Variants in DNTTIP1 observed in about 807,000 individuals in gnomAD.
The protein encoded by DNTTIP1 is deoxynucleotidyltransferase terminal interacting protein 1.
DNTTIP1 carries 22 observed loss-of-function variants against 52.9 expected under a neutral mutation model. The observed-to-expected ratio is 0.42, with a 90% CI of 0.30 to 0.59. The LOEUF is 0.59. Ranked by LOEUF, DNTTIP1 falls within the 20% of genes least tolerant of loss-of-function variation. The pLI, the probability that DNTTIP1 is intolerant of heterozygous loss-of-function variation, is 0.22. For missense variants in DNTTIP1, 286 were observed against 435.5 expected (o/e 0.66, Z 3.06); for synonymous variants, 136 against 155.1 (o/e 0.88, Z 0.92).
In DNTTIP1 at chr20:45,809,056, C is replaced by T; in HGVS notation, c.724-58C>T. 7.4e-6 allele frequency: 11 copies of T among 1,484,668 alleles called. No homozygotes were observed. Among genetic ancestry groups the T allele is most frequent in the Non-Finnish European group, 1.0e-5 (11 of 1,063,508 alleles). The allele number at this position is 1,484,668 out of a possible 1,614,324, so 92.0% of individuals were successfully genotyped here. On this transcript the variant is annotated intron_variant, in intron 10 of 12. Coordinates refer to ENST00000372622, the MANE Select transcript of DNTTIP1 (RefSeq NM_052951.3). The surrounding 1 kb of genome is among the most constrained non-coding windows in gnomAD (Gnocchi z 4.2). ...CAAGGGCCAAGAGTATGCTCTGGGA[C>T]CAAATGAGAAAAGCCCCTTACCCGA...
chr20:45,795,286 C>G, intron 3 of DNTTIP1, 59 bp from the exon 4 acceptor site: 1 of 962,970 alleles, frequency 1.0e-6, no homozygotes, highest in Non-Finnish European at 1.6e-6. Flanking sequence ...TATTCAGTTT[C>G]CTTCAGGTTG....
At chr20:45,793,028 T>A (rs1242148430) in intron 2 of DNTTIP1, among the ~76,000 whole-genome samples, 1 of 152,218 alleles carries the variant, frequency 6.6e-6, no homozygotes, top group Non-Finnish European at 1.5e-5. Context: ...TTGAGGGCTC[T>A]AAAGAGGTCA....
At chr20:45,801,324 G>T (rs1272839588) in intron 5 of DNTTIP1, 78 bp from the exon 6 acceptor site, 1 of 1,535,314 alleles carries the variant, frequency 6.5e-7, no homozygotes, top group South Asian at 1.1e-5. Flanking sequence ...TGTAGTCCAG[G>T]GCTGTCTTCT....
At chr20:45,800,679 T>TAA (rs144859982) in intron 4 of DNTTIP1, among the ~76,000 whole-genome samples, 200 of 14,668 alleles carry the variant, frequency 0.014, 12 homozygotes, top group South Asian at 0.029. Flanking sequence ...CATCTCAATT[T>TAA]AAAAAAAAAA....
At chr20:45,801,381 C>G (rs1981463768) in intron 5 of DNTTIP1, 21 bp from the exon 6 acceptor site, 1 of 1,614,046 alleles carries the variant, frequency 6.2e-7, no homozygotes, top group African/African-American at 1.3e-5. Flanking sequence ...CTTCCACTGA[C>G]TCCCTTCCCT....
chr20:45,792,624 C>T (rs933588059), intron 1 of DNTTIP1, 53 bp from the exon 2 acceptor site: 8 of 1,443,564 alleles, frequency 5.5e-6, no homozygotes, highest in Non-Finnish European at 7.5e-6. Context: ...TCCACCTCCA[C>T]CCCACCCCAG....
chr20:45,793,425 C>T lies in DNTTIP1; in HGVS notation c.177-496C>T, dbSNP rs577299525. On this transcript the variant is annotated intron_variant, in intron 2 of 12. Transcript: ENST00000372622. ...TAAAAATAACAAAAAATTGGCCGGGCGCGGTGGCTCACGCCTGTAATCCCA... is the reference window on the plus strand; with the variant it reads ...TAAAAATAACAAAAAATTGGCCGGGTGCGGTGGCTCACGCCTGTAATCCCA... 2.0e-5 allele frequency among the ~76,000 whole-genome samples: 3 copies of T among 152,102 alleles called. 1 individual carries two copies. The highest frequency in any genetic ancestry group is 7.2e-5 in the African/African-American group (3 of 41,480).
intron 4 of DNTTIP1, among the ~76,000 whole-genome samples, 161 bp from the exon 5 acceptor site, chr20:45,800,913 G>C (rs1456261629): frequency 6.7e-6 from 1 of 149,964 alleles, no homozygotes; most frequent in African/African-American, 2.5e-5. Flanking sequence ...AGAATCACTT[G>C]AACCCAGGAG....
Position 45,801,118 on chromosome 20 carries a change from G to A in DNTTIP1, c.417G>A (p.Leu139=), listed in dbSNP as rs1981453147. 9.9e-6 allele frequency: 16 copies of A among 1,613,886 alleles called. No individual in the cohort carries two copies. The highest frequency in any genetic ancestry group is 1.3e-5 in the Non-Finnish European group (15 of 1,179,992). Reference sequence around the variant, plus strand: ...ATGGAGAAAAAGTAATACCCAGATTGACCCATGAGCTTCCAGGAATAAAGG... The same window carrying A: ...ATGGAGAAAAAGTAATACCCAGATTAACCCATGAGCTTCCAGGAATAAAGG... ...FSDGEKVIPR[L]THELPGIKRG... The change falls in exon 5 of 13, where the codon TTG becomes TTA. Residue 139 remains leucine (L), a synonymous_variant. Coordinates refer to ENST00000372622, the MANE Select transcript of DNTTIP1 (RefSeq NM_052951.3).
At chr20:45,805,237 A>G in intron 9 of DNTTIP1, 33 bp downstream of exon 9, 1 of 1,614,108 alleles carries the variant, frequency 6.2e-7, no homozygotes, top group Non-Finnish European at 8.5e-7. Context: ...TGATTGAGGA[A>G]ACAGCTCAGG....
chr20:45,795,415 A>G lies in DNTTIP1; in HGVS notation c.344A>G (p.Gln115Arg), dbSNP rs1981205571. The G allele has an allele frequency of 6.2e-7, 1 of 1,610,720 alleles. No individual in the cohort carries two copies. Among genetic ancestry groups the G allele is most frequent in the Non-Finnish European group, 8.5e-7 (1 of 1,178,278 alleles). ...GEEVDAEQLI[Q>R]EACRSCLEQA... is the part of the protein sequence containing the mutation. ...GAGGTGGACGCAGAGCAGCTGATCC[A>G]GGAAGCCTGTCGGAGCTGCCTGGAG... Residue 115 changes from glutamine to arginine, a missense_variant, in exon 4 of 13, where the codon CAG (glutamine) becomes CGG (arginine). By Grantham distance (43) the Gln-to-Arg change is conservative. This residue lies in a region of DNTTIP1 where 208 missense variants were observed against 266.5 expected (regional missense o/e 0.78). Coordinates refer to ENST00000372622, the MANE Select transcript of DNTTIP1 (RefSeq NM_052951.3).
Position 45,795,428 on chromosome 20 carries a change from G to A in DNTTIP1, c.357G>A (p.Arg119=), listed in dbSNP as rs1981206270. The A allele has an allele frequency of 1.9e-6, 3 of 1,606,218 alleles. No individual in the cohort carries two copies. Among genetic ancestry groups the A allele is most frequent in the Non-Finnish European group, 2.6e-6 (3 of 1,175,742 alleles). Residue 119 remains arginine, a synonymous_variant, in exon 4 of 13, where the codon CGG becomes CGA. Coordinates refer to ENST00000372622, the MANE Select transcript of DNTTIP1 (RefSeq NM_052951.3). ...AGCAGCTGATCCAGGAAGCCTGTCG[G>A]AGCTGCCTGGAGCAGGTGAGACCAA... ...DAEQLIQEAC[R]SCLEQAKLLF...
rs576830246 is a variant in DNTTIP1, at chr20:45,795,338, C to G, written c.274-7C>G. ...CTCTGACCTTGTCCTCTGTTGTGCT[C>G]CCCTAGTTCTTCCAGAAGGCAGCAC... is the stretch of plus-strand genomic sequence containing the variant. On this transcript the variant is annotated splice_region_variant and splice_polypyrimidine_tract_variant and intron_variant, in intron 3 of 12. Transcript: ENST00000372622. 76 of 1,591,152 alleles carry G rather than the reference C, an allele frequency of 4.8e-5. No homozygotes were observed. Among genetic ancestry groups the G allele is most frequent in the Non-Finnish European group, 6.4e-5 (75 of 1,163,794 alleles).
rs6104353 is a variant in DNTTIP1 at position 45,811,258 on chromosome 20, G to C, written c.*63G>C. On this transcript the variant is annotated 3_prime_UTR_variant, in exon 13 of 13. Transcript: ENST00000372622. ...AAAGCCCTCTTCCTCACGTGGCTGAGGCCACCGCTGGGACTGCTCCTAGAT... is the reference window on the plus strand; with the variant it reads ...AAAGCCCTCTTCCTCACGTGGCTGACGCCACCGCTGGGACTGCTCCTAGAT... 1.3e-6 allele frequency: 2 copies of C among 1,541,300 alleles called. No individual in the cohort carries two copies. Among genetic ancestry groups the C allele is most frequent in the Non-Finnish European group, 1.7e-6 (2 of 1,148,838 alleles).
At chr20:45,803,513 C>T (rs748964639) in intron 8 of DNTTIP1, 135 bp downstream of exon 8, 102 of 884,338 alleles carry the variant, frequency 1.2e-4, no homozygotes, top group Admixed American at 2.6e-4. Context: ...CCCCTCTCCA[C>T]CTCCAGCCAC....
chr20:45,801,942 A>T (rs566920726), intron 6 of DNTTIP1, 57 bp from the exon 7 acceptor site: 2 of 1,550,724 alleles, frequency 1.3e-6, no homozygotes, highest in Admixed American at 1.7e-5. Context: ...GGACCTGCCA[A>T]TGGGGTATGG....
intron 6 of DNTTIP1, 59 bp downstream of exon 6, chr20:45,801,517 G>A (rs1042091343): frequency 1.3e-6 from 2 of 1,571,630 alleles, no homozygotes; most frequent in African/African-American, 1.3e-5. Context: ...GCCGGGTGTG[G>A]TGGCTCACAC....
chr20:45,796,408 C>A, intron 4 of DNTTIP1: 1 of 455,214 alleles, frequency 2.2e-6, no homozygotes, highest in South Asian at 1.6e-5. Context: ...AAAGAAATGG[C>A]TTAAGACACA....
At chr20:45,794,747 G>A (rs1406280902) in intron 3 of DNTTIP1, among the ~76,000 whole-genome samples, 4 of 147,556 alleles carry the variant, frequency 2.7e-5, no homozygotes, top group South Asian at 2.2e-4. Context: ...CCAGGAGTTT[G>A]AGAACAGCCT....
Sources: allele counts gnomAD v4.1 joint callset (sites outside exome capture counted in the v4.1 genomes callset), GRCh38; gene constraint gnomAD v4.1.1; regional missense constraint gnomAD v4.1.1; non-coding constraint Gnocchi (gnomAD v3.1); transcripts MANE v1.5; gene names NCBI Gene and HGNC (gene_info 2026-07-23, HGNC 2026-07-21).